The following TNFAIP2 variants were observed in gnomAD, a reference collection of about 807,000 sequenced individuals.
The protein encoded by TNFAIP2 is tumor necrosis factor alpha-induced protein 2.
In TNFAIP2, 47 loss-of-function variants were observed where a neutral mutation model predicts 63.5. The ratio of observed to expected loss-of-function variants is 0.74; its 90% CI spans 0.59 to 0.94. TNFAIP2 has a LOEUF of 0.94. TNFAIP2 is among the 40% of genes least tolerant of loss of function. The pLI, the probability that TNFAIP2 is intolerant of heterozygous loss-of-function variation, is 0.00. For missense variants in TNFAIP2, 787 were observed against 850.2 expected (o/e 0.93, Z 0.92); for synonymous variants, 405 against 390.2 (o/e 1.04, Z -0.45).
chr14:103,129,643 G>C, intron 3 of TNFAIP2, 97 bp from the exon 4 acceptor site: 1 of 1,107,744 alleles, frequency 9.0e-7, no homozygotes, highest in Non-Finnish European at 1.4e-6. Flanking sequence ...GGGCAGTCTG[G>C]GCCTGCCAGA....
rs1369940193 is a variant in TNFAIP2 at position 103,133,686 on chromosome 14, C to G, written c.1706C>G (p.Ser569Cys). 1 of 1,564,294 alleles carries G rather than the reference C, an allele frequency of 6.4e-7. No individual in the cohort carries two copies. Among genetic ancestry groups the G allele is most frequent in the Admixed American group, 1.9e-5 (1 of 52,030 alleles). ...CAACCACACCCACTCCTGCAGGGCT[C>G]CCCGGCGACCTGGCTGCAGCCTGCT... ...TIQHFCTQHG[S>C]PATWLQPALP... The change falls in exon 11 of 12, where the codon TCC becomes TGC. Residue 569 changes from serine to cysteine, a missense_variant. This residue lies in a region of TNFAIP2 where 523 missense variants were observed against 604.1 expected (regional missense o/e 0.87). Transcript: ENST00000560869.
chr14:103,126,764 C>A, intron 2 of TNFAIP2, 72 bp downstream of exon 2: 1 of 1,451,694 alleles, frequency 6.9e-7, no homozygotes. Flanking sequence ...GTGAGTGAGC[C>A]ACTTGCACAG....
intron 2 of TNFAIP2, 27 bp from the exon 3 acceptor site, chr14:103,126,978 G>A (rs1471627314): frequency 9.7e-6 from 12 of 1,242,896 alleles, no homozygotes; most frequent in East Asian, 7.5e-5. Flanking sequence ...GGCTGGGGCC[G>A]GGGCTGACGC....
At chr14:103,125,951 TGGGATCCAGGG>T (rs997252309) in intron 1 of TNFAIP2, among the ~76,000 whole-genome samples, 6 of 152,116 alleles carry the variant, frequency 3.9e-5, no homozygotes, top group Non-Finnish European at 7.4e-5. Flanking sequence ...TAGGGTCCCG[TGGGATCCAGGG>T]AGGTGTCCAT....
chr14:103,125,707 A>T (rs1037190587), intron 1 of TNFAIP2, among the ~76,000 whole-genome samples: 2 of 152,122 alleles, frequency 1.3e-5, no homozygotes, highest in Non-Finnish European at 2.9e-5. Flanking sequence ...GCTTCTGTAG[A>T]TCCTGGTCAG....
rs1009724427 is a variant in TNFAIP2, at chr14:103,126,290, C to G, written c.-148-20C>G. 3 of 587,292 alleles carry G rather than the reference C, an allele frequency of 5.1e-6. No homozygotes were observed. The Admixed American group carries it at 9.2e-5, about 18-fold the overall frequency. The allele number at this position is 587,292 out of a possible 1,614,324, so 36.4% of individuals were successfully genotyped here. A position where few individuals can be genotyped will look rare whatever the true frequency, so the allele number is the denominator to read the frequency against. On this transcript the variant is annotated intron_variant, in intron 1 of 11. Coordinates refer to ENST00000560869, the MANE Select transcript of TNFAIP2 (RefSeq NM_006291.4). ...GGCCGGTCCATGGTGACCACTGATG[C>G]CTTCACCCCCACCCCGCAGGAGCCT...
chr14:103,135,433 G>C lies in TNFAIP2; in HGVS notation c.*73G>C, dbSNP rs544560592. On this transcript the variant is annotated 3_prime_UTR_variant, in exon 12 of 12. Coordinates refer to ENST00000560869, the MANE Select transcript of TNFAIP2 (RefSeq NM_006291.4). The surrounding 1 kb of genome is among the most constrained non-coding windows in gnomAD (Gnocchi z 7.6). Reference sequence around the variant, plus strand: ...CACACCCCGCTGGGAGCTGTTAAGAGCAGCGCTGGTTCTCGGTTCCTCCCG... The same window carrying C: ...CACACCCCGCTGGGAGCTGTTAAGACCAGCGCTGGTTCTCGGTTCCTCCCG... 12 of 1,528,220 alleles carry C rather than the reference G, an allele frequency of 7.9e-6. No individual in the cohort carries two copies. The highest frequency in any genetic ancestry group is 9.6e-6 in the Non-Finnish European group (11 of 1,143,486). The allele number at this position is 1,528,220 out of a possible 1,614,324, so 94.7% of individuals were successfully genotyped here.
upstream of TNFAIP2, among the ~76,000 whole-genome samples, chr14:103,122,381 G>T (rs532191262): frequency 7.2e-5 from 11 of 152,318 alleles, no homozygotes; most frequent in East Asian, 1.2e-3. Flanking sequence ...GTGATCAGGG[G>T]GCGGGGAAAG....
chr14:103,136,703 A>T lies in TNFAIP2; in HGVS notation c.*1343A>T, dbSNP rs1052693302. Reference sequence around the variant, plus strand: ...ATATTTTTTGTGGATACAGGGTCTCATTCTGTTGCCTAGGCTTGTCTGGAA... The same window carrying T: ...ATATTTTTTGTGGATACAGGGTCTCTTTCTGTTGCCTAGGCTTGTCTGGAA... On this transcript the variant is annotated 3_prime_UTR_variant, in exon 12 of 12. Transcript: ENST00000560869. 3.7e-4 allele frequency: 57 copies of T among 152,014 alleles called. No individual in the cohort carries two copies. Among genetic ancestry groups the T allele is most frequent in the African/African-American group, 1.4e-3 (56 of 41,434 alleles). 9.4% of individuals were successfully genotyped at this position (152,014 alleles called of 1,614,324 possible). A position where few individuals can be genotyped will look rare whatever the true frequency, so the allele number is the denominator to read the frequency against.
Position 103,129,771 on chromosome 14 carries a change from G to A in TNFAIP2, c.892G>A (p.Glu298Lys), listed in dbSNP as rs773306905. 6.2e-7 allele frequency: 1 copy of A among 1,614,014 alleles called. No individual in the cohort carries two copies. Among genetic ancestry groups the A allele is most frequent in the South Asian group, 1.1e-5 (1 of 91,078 alleles). Residue 298 changes from glutamate (E) to lysine (K), a missense_variant, in exon 4 of 12, where the codon GAG becomes AAG. This residue lies in a region of TNFAIP2 where 523 missense variants were observed against 604.1 expected (regional missense o/e 0.87). Transcript: ENST00000560869. ...CATCAACAGCCCCAAGCTGGTGGGT[G>A]AGCTGCAGGGTATGGGGCTCGGGAG... ...DIINSPKLVG[E>K]LQGMGLGSLL...
upstream of TNFAIP2, chr14:103,122,516 A>C (rs1486745701): frequency 1.3e-5 from 5 of 378,972 alleles, no homozygotes; most frequent in East Asian, 3.7e-4. Flanking sequence ...CTAGAGTGTG[A>C]AATAAGGAAG....
rs1385978208 is a variant in TNFAIP2, at chr14:103,127,988, G to C, written c.860+359G>C. Among the ~76,000 whole-genome samples the C allele has an allele frequency of 2.0e-5, 3 of 152,218 alleles. No individual in the cohort carries two copies. Among genetic ancestry groups the C allele is most frequent in the Non-Finnish European group, 4.4e-5 (3 of 68,028 alleles). The stretch of plus-strand genomic sequence containing the variant: ...GGGCAAAGCAATCAATAACCATCCA[G>C]AGCTGGAAGGGCTGTGGCAGCAGAG... On this transcript the variant is annotated intron_variant, in intron 3 of 11. Transcript: ENST00000560869. The surrounding 1 kb of genome is among the most constrained non-coding windows in gnomAD (Gnocchi z 5.1).
At chr14:103,126,260 G>C in intron 1 of TNFAIP2, 50 bp from the exon 2 acceptor site, 3 of 540,288 alleles carry the variant, frequency 5.6e-6, no homozygotes, top group Non-Finnish European at 1.0e-5. Flanking sequence ...CAGCCTGGGA[G>C]CCAGGGCCGG....
In TNFAIP2 at chr14:103,134,036, CTAGT is replaced by C. The variant is rs1388002961; in HGVS notation, c.1823+238_1823+241del. Among the ~76,000 whole-genome samples, 3 of 152,380 alleles carry C rather than the reference CTAGT, an allele frequency of 2.0e-5. No homozygotes were observed. The South Asian group carries it at 6.2e-4, about 32-fold the overall frequency. On this transcript the variant is annotated intron_variant, in intron 11 of 11. Coordinates refer to ENST00000560869, the MANE Select transcript of TNFAIP2 (RefSeq NM_006291.4). ...ACAGGATGTGTCCAAGGTGACACGG[CTAGT>C]TAGTGTCTGGCTGCATGGCCCACAC...
Position 103,127,585 on chromosome 14 carries a change from C to A in TNFAIP2, c.816C>A (p.Arg272=). 6.4e-7 allele frequency: 1 copy of A among 1,557,440 alleles called. No homozygotes were observed. Among genetic ancestry groups the A allele is most frequent in the Non-Finnish European group, 8.7e-7 (1 of 1,155,760 alleles). Residue 272 remains arginine (R), a synonymous_variant, in exon 3 of 12, where the codon CGC becomes CGA. Coordinates refer to ENST00000560869, the MANE Select transcript of TNFAIP2 (RefSeq NM_006291.4). The surrounding 1 kb of genome is among the most constrained non-coding windows in gnomAD (Gnocchi z 5.1). The part of the protein sequence containing the change: ...AAVAQFELCE[R]DTYMLLLWVQ... The stretch of plus-strand genomic sequence containing the variant: ...TGGCGCAGTTCGAGCTGTGCGAGCG[C>A]GACACCTACATGCTGCTGCTCTGGG...
Position 103,127,166 on chromosome 14 carries a change from C to T in TNFAIP2, c.397C>T (p.Arg133Cys). The T allele has an allele frequency of 1.8e-6, 2 of 1,119,870 alleles. No homozygotes were observed. Among genetic ancestry groups the T allele is most frequent in the South Asian group, 2.7e-5 (1 of 37,384 alleles). The allele number at this position is 1,119,870 out of a possible 1,614,324, so 69.4% of individuals were successfully genotyped here. A position where few individuals can be genotyped will look rare whatever the true frequency, so the allele number is the denominator to read the frequency against. The change falls in exon 3 of 12, where the codon CGC becomes TGC. Residue 133 changes from arginine to cysteine, a missense_variant. Physicochemically the swap from Arg to Cys is radical, Grantham distance 180. Transcript: ENST00000560869. This position sits in a 1 kb window ranked among gnomAD's most constrained non-coding sequence, Gnocchi z 5.1. ...GGTGGAGGCGCTGTACGAGCTGCTG[C>T]GCGACCAGGTGCTGGGCGTGCTGCG... is the stretch of plus-strand genomic sequence containing the variant. ...SKVEALYELLRDQVLGVLRRP... is the reference protein window; with the variant it reads ...SKVEALYELLCDQVLGVLRRP...
chr14:103,127,507 G>C lies in TNFAIP2; in HGVS notation c.738G>C (p.Val246=). The part of the protein sequence containing the change: ...KPLFPAEFGV[V]AAYAESYHQH... Reference sequence around the variant, plus strand: ...TGTTCCCCGCCGAGTTCGGCGTCGTGGCGGCCTACGCCGAGAGCTACCACC... The same window carrying C: ...TGTTCCCCGCCGAGTTCGGCGTCGTCGCGGCCTACGCCGAGAGCTACCACC... Residue 246 remains valine (V), a synonymous_variant, in exon 3 of 12, where the codon GTG becomes GTC. Transcript: ENST00000560869. The surrounding 1 kb of genome is among the most constrained non-coding windows in gnomAD (Gnocchi z 5.1). 1 of 1,589,784 alleles carries C rather than the reference G, an allele frequency of 6.3e-7. No individual in the cohort carries two copies. Among genetic ancestry groups the C allele is most frequent in the Non-Finnish European group, 8.5e-7 (1 of 1,175,786 alleles).
chr14:103,122,820 C>A (rs779336066), upstream of TNFAIP2: 22 of 454,328 alleles, frequency 4.8e-5, 2 homozygotes, highest in South Asian at 3.4e-4. Context: ...GAACCCCACT[C>A]CGCTACTTAA....
At chr14:103,132,651 A>C in intron 8 of TNFAIP2, 99 bp from the exon 9 acceptor site, 1 of 1,515,374 alleles carries the variant, frequency 6.6e-7, no homozygotes, top group Non-Finnish European at 8.9e-7. Context: ...CACCAGGCAC[A>C]TGTGTCGGTG....
Sources: allele counts gnomAD v4.1 joint callset (sites outside exome capture counted in the v4.1 genomes callset), GRCh38; gene constraint gnomAD v4.1.1; regional missense constraint gnomAD v4.1.1; non-coding constraint Gnocchi (gnomAD v3.1); transcripts MANE v1.5; gene names NCBI Gene and HGNC (gene_info 2026-07-23, HGNC 2026-07-21).